BCL10: variants seen among roughly 807,000 people sequenced by gnomAD.
The protein encoded by BCL10 is BCL10 immune signaling adaptor.
A neutral mutation model predicts 19.2 loss-of-function variants in BCL10; 5 were observed. The ratio of observed to expected loss-of-function variants is 0.26; its 90% CI spans 0.14 to 0.55. The LOEUF (loss-of-function observed/expected upper bound fraction) is 0.55, where lower values mean the gene tolerates loss of function less well. Among genes scored for constraint, BCL10 ranks in the 20% least tolerant of loss-of-function variants. The pLI is 0.94. For missense variants in BCL10, 201 were observed against 271.9 expected (o/e 0.74, Z 1.83); for synonymous variants, 110 against 98.8 (o/e 1.11, Z -0.67).
chr1:85,276,326 G>A lies in BCL10; in HGVS notation c.27C>T (p.Thr9=), dbSNP rs779616837. 6 of 1,613,514 alleles carry A rather than the reference G, an allele frequency of 3.7e-6. No individual in the cohort carries two copies. The highest frequency in any genetic ancestry group is 2.2e-5 in the East Asian group (1 of 44,818). The change falls in exon 1 of 3, where the codon ACC becomes ACT. Residue 9 remains threonine (T), a synonymous_variant. Coordinates refer to ENST00000648566, the MANE Select transcript of BCL10 (RefSeq NM_003921.5). ...TCTTCACTTCAGTGAGGTCCTCCTC[G>A]GTGAGGGACGGTGCGGTGGGCTCCA... MEPTAPSL[T]EEDLTEVKKD...
intron 1 of BCL10, among the ~76,000 whole-genome samples, chr1:85,273,395 A>G (rs942873037): frequency 2.6e-5 from 4 of 152,220 alleles, no homozygotes; most frequent in Non-Finnish European, 5.9e-5. Flanking sequence ...CTGTGGATAC[A>G]ACTTTTCAAT....
Position 85,266,318 on chromosome 1 carries a change from A to G in BCL10, c.*1309T>C, listed in dbSNP as rs1407538510. 1 of 185,520 alleles carries G rather than the reference A, an allele frequency of 5.4e-6. No individual in the cohort carries two copies. Among genetic ancestry groups the G allele is most frequent in the African/African-American group, 2.3e-5 (1 of 42,710 alleles). 11.5% of individuals were successfully genotyped at this position (185,520 alleles called of 1,614,324 possible). A position where few individuals can be genotyped will look rare whatever the true frequency, so the allele number is the denominator to read the frequency against. On this transcript the variant is annotated 3_prime_UTR_variant, in exon 3 of 3. Transcript: ENST00000648566. ...TGTTTTTGCAATTAATAATAGAAAT[A>G]TATAGGAGACAATGTCAGGAAACAG...
chr1:85,270,268 TTC>T (rs945304821), intron 2 of BCL10, among the ~76,000 whole-genome samples: 8 of 152,214 alleles, frequency 5.3e-5, no homozygotes, highest in African/African-American at 1.9e-4. Flanking sequence ...AAATGATCAT[TTC>T]TGTTTTTGTT....
chr1:85,271,049 A>T, intron 1 of BCL10, 143 bp from the exon 2 acceptor site: 1 of 782,318 alleles, frequency 1.3e-6, no homozygotes, highest in Non-Finnish European at 2.0e-6. Context: ...ATGCTAATTA[A>T]GATGAAAGTC....
chr1:85,273,883 G>A (rs79914491), intron 1 of BCL10, among the ~76,000 whole-genome samples: 1 of 151,162 alleles, frequency 6.6e-6, no homozygotes. Context: ...TACTATACTT[G>A]GGGGGAAAAA....
intron 1 of BCL10, among the ~76,000 whole-genome samples, chr1:85,273,530 A>C (rs1425156074): frequency 6.6e-6 from 1 of 152,206 alleles, no homozygotes; most frequent in Non-Finnish European, 1.5e-5. Context: ...AAAATCATTC[A>C]ATTCCACACT....
Position 85,270,869 on chromosome 1 carries a change from A to AT in BCL10, c.94dup (p.Ile32AsnfsTer4). The stretch of plus-strand genomic sequence containing the variant: ...ATGATCAAAATGTCTCTCAGCTATG[A>AT]TTTTCTCACACAGGTATACACGTAA... On this transcript the variant is annotated frameshift_variant, in exon 2 of 3. Transcript: ENST00000648566. LOFTEE classifies it high-confidence loss of function. The AT allele has an allele frequency of 6.2e-7, 1 of 1,612,962 alleles. No individual in the cohort carries two copies.
In BCL10 at chr1:85,270,842, AGAT is replaced by A; in HGVS notation, c.119_121del (p.His40del). 6.2e-7 allele frequency: 1 copy of A among 1,613,502 alleles called. No homozygotes were observed. Among genetic ancestry groups the A allele is most frequent in the Non-Finnish European group, 8.5e-7 (1 of 1,179,976 alleles). The stretch of plus-strand genomic sequence containing the variant: ...TCTACTGAGTATTTTTTTTGCACGT[AGAT>A]GATCAAAATGTCTCTCAGCTATGAT... On this transcript the variant is annotated inframe_deletion, in exon 2 of 3. Coordinates refer to ENST00000648566, the MANE Select transcript of BCL10 (RefSeq NM_003921.5).
chr1:85,271,405 G>GT (rs1660368089), intron 1 of BCL10, among the ~76,000 whole-genome samples: 1 of 152,054 alleles, frequency 6.6e-6, no homozygotes, highest in African/African-American at 2.4e-5. Context: ...AGCCCATAAT[G>GT]TATCTGTCTT....
rs71650007 is a variant in BCL10, at chr1:85,266,876, CAAAAAAAAAAAAAAAA to C, written c.*735_*750del. 1 of 88,080 alleles carries C rather than the reference CAAAAAAAAAAAAAAAA, an allele frequency of 1.1e-5. No homozygotes were observed. The highest frequency in any genetic ancestry group is 4.9e-5 in the African/African-American group (1 of 20,478). The allele number at this position is 88,080 out of a possible 1,614,324, so 5.5% of individuals were successfully genotyped here. A position where few individuals can be genotyped will look rare whatever the true frequency, so the allele number is the denominator to read the frequency against. On this transcript the variant is annotated 3_prime_UTR_variant, in exon 3 of 3. Coordinates refer to ENST00000648566, the MANE Select transcript of BCL10 (RefSeq NM_003921.5). ...CCTGGGCGATAGAGCAAGACTGTCT[CAAAAAAAAAAAAAAAA>C]AAAAAAGAAAAAAGGAAAAAATACC...
chr1:85,271,725 A>G (rs1034299421), intron 1 of BCL10, among the ~76,000 whole-genome samples: 5 of 152,194 alleles, frequency 3.3e-5, no homozygotes, highest in Non-Finnish European at 5.9e-5. Context: ...TGACTGTTAT[A>G]TGAGGAATAA....
intron 1 of BCL10, among the ~76,000 whole-genome samples, chr1:85,274,241 C>T (rs1051658973): frequency 1.2e-4 from 18 of 152,112 alleles, no homozygotes; most frequent in African/African-American, 4.3e-4. Flanking sequence ...CAGGCAGCTA[C>T]GAGGTATGTT....
At chr1:85,268,785 AAAG>A (rs1660278143) in intron 2 of BCL10, among the ~76,000 whole-genome samples, 1 of 151,832 alleles carries the variant, frequency 6.6e-6, no homozygotes, top group African/African-American at 2.4e-5. Context: ...AAAAAAAAAA[AAAG>A]AGAAAAAAAA....
Position 85,266,042 on chromosome 1 carries a change from G to A in BCL10, c.*1585C>T, listed in dbSNP as rs1660180904. Among the ~76,000 whole-genome samples, 1 of 151,970 alleles carries A rather than the reference G, an allele frequency of 6.6e-6. No homozygotes were observed. Among genetic ancestry groups the A allele is most frequent in the Non-Finnish European group, 1.5e-5 (1 of 67,996 alleles). ...AACATTTCTCTATAATCCTTAGAAA[G>A]TGCTTATACTAAAAAAAATCCAATC... is the stretch of plus-strand genomic sequence containing the variant. On this transcript the variant is annotated 3_prime_UTR_variant, in exon 3 of 3. Transcript: ENST00000648566.
At position 85,270,692 on chromosome 1, in the gene BCL10, G is replaced by GT. The variant is rs1027681039; in HGVS notation, c.271dup (p.Thr91AsnfsTer12). 2 of 1,613,566 alleles carry GT rather than the reference G, an allele frequency of 1.2e-6. No individual in the cohort carries two copies. Among genetic ancestry groups the GT allele is most frequent in the Non-Finnish European group, 1.7e-6 (2 of 1,179,888 alleles). On this transcript the variant is annotated frameshift_variant, in exon 2 of 3. Coordinates refer to ENST00000648566, the MANE Select transcript of BCL10 (RefSeq NM_003921.5). LOFTEE classifies it high-confidence loss of function. ...AATCTTCTGTATCAGGAAGTTCTGT[G>GT]TTTTTTCTCGCCGAATAGATTCAAC...
In BCL10 at chr1:85,276,406, C is replaced by T; in HGVS notation, c.-54G>A. On this transcript the variant is annotated 5_prime_UTR_variant, in exon 1 of 3. Coordinates refer to ENST00000648566, the MANE Select transcript of BCL10 (RefSeq NM_003921.5). ...GGGTCCGGGAGCTCGGGCTGCGCCG[C>T]CCCGCCCTGGCTGGGGGCTTCGGCC... 3.1e-6 allele frequency: 5 copies of T among 1,595,460 alleles called. 1 individual carries two copies. The South Asian group carries it at 5.5e-5, about 18-fold the overall frequency.
chr1:85,267,815 G>A lies in BCL10; in HGVS notation c.514C>T (p.Leu172=). 6.2e-7 allele frequency: 1 copy of A among 1,614,232 alleles called. No homozygotes were observed. Among genetic ancestry groups the A allele is most frequent in the Non-Finnish European group, 8.5e-7 (1 of 1,180,042 alleles). Residue 172 remains leucine (L), a synonymous_variant, in exon 3 of 3, where the codon CTG becomes TTG. Coordinates refer to ENST00000648566, the MANE Select transcript of BCL10 (RefSeq NM_003921.5). Reference sequence around the variant, plus strand: ...CCTACTTCTAGAACAGGCAAATTCAGAGAAGAATTAGTAGAAAAAAAGGGC... The same window carrying A: ...CCTACTTCTAGAACAGGCAAATTCAAAGAAGAATTAGTAGAAAAAAAGGGC... ...TTPFFSTNSS[L]NLPVLEVGRT... is the part of the protein sequence containing the mutation.
In BCL10 at chr1:85,276,412, C is replaced by G; in HGVS notation, c.-60G>C. The G allele has an allele frequency of 6.3e-7, 1 of 1,589,798 alleles. No homozygotes were observed. The highest frequency in any genetic ancestry group is 2.2e-5 in the East Asian group (1 of 44,722). On this transcript the variant is annotated 5_prime_UTR_variant, in exon 1 of 3. Transcript: ENST00000648566. ...GGGAGCTCGGGCTGCGCCGCCCCGC[C>G]CTGGCTGGGGGCTTCGGCCTCCGGG...
rs1224998125 is a variant in BCL10, at chr1:85,276,578, G to A, written c.-226C>T. 8.3e-6 allele frequency: 5 copies of A among 599,030 alleles called. No individual in the cohort carries two copies. Among genetic ancestry groups the A allele is most frequent in the Non-Finnish European group, 1.2e-5 (4 of 337,602 alleles). 37.1% of individuals were successfully genotyped at this position (599,030 alleles called of 1,614,324 possible). A position where few individuals can be genotyped will look rare whatever the true frequency, so the allele number is the denominator to read the frequency against. ...ACGGCGACGCGAATCTACGCGACGC[G>A]ACGCGGAGCTCGGAGCAGCGTTCCT... is the stretch of plus-strand genomic sequence containing the variant. On this transcript the variant is annotated 5_prime_UTR_variant, in exon 1 of 3. Transcript: ENST00000648566.
Sources: gnomAD v4.1 joint callset for allele counts (sites outside exome capture counted in the v4.1 genomes callset) on GRCh38, gnomAD v4.1.1 for gene constraint, MANE v1.5 for transcripts, NCBI Gene and HGNC (gene_info 2026-07-23, HGNC 2026-07-21) for gene names.